ACBD6: variants seen among roughly 807,000 people sequenced by gnomAD.
ACBD6 encodes acyl-CoA binding domain containing 6, also known as acyl-CoA-binding domain-containing protein 6.
ACBD6 carries 28 observed loss-of-function variants against 37.2 expected under a neutral mutation model. That is an observed-to-expected ratio of 0.75 (90% CI 0.56 to 1.03). The LOEUF is 1.03. ACBD6 is among the 50% of genes least tolerant of loss of function. The probability of loss-of-function intolerance (pLI) is 0.00; values close to 1 mark genes in which losing one functional copy is unlikely to be tolerated. For missense variants in ACBD6, 340 were observed against 337.4 expected, an observed-to-expected ratio of 1.01 and a Z score of -0.06; for synonymous variants, 113 against 126.8, an observed-to-expected ratio of 0.89 and a Z score of 0.73.
chr1:180,301,140 A>G (rs1317067116), intron 7 of ACBD6, among the ~76,000 whole-genome samples: 2 of 152,216 alleles, frequency 1.3e-5, no homozygotes, highest in Non-Finnish European at 2.9e-5. Flanking sequence ...GATTTTACAC[A>G]GAAACAATAA....
At chr1:180,403,866 G>T (rs1647493021) in intron 5 of ACBD6, among the ~76,000 whole-genome samples, 1 of 152,172 alleles carries the variant, frequency 6.6e-6, no homozygotes, top group Non-Finnish European at 1.5e-5. Flanking sequence ...GAAGTACCTG[G>T]AGTAGTCAAA....
At chr1:180,461,856 G>A (rs149064082) in intron 3 of ACBD6, among the ~76,000 whole-genome samples, 233 of 152,220 alleles carry the variant, frequency 1.5e-3, no homozygotes, top group African/African-American at 5.4e-3. Context: ...ACACTACGAA[G>A]CAACCACATA....
intron 3 of ACBD6, among the ~76,000 whole-genome samples, chr1:180,481,778 T>C (rs1309936709): frequency 6.6e-6 from 1 of 152,214 alleles, no homozygotes; most frequent in Non-Finnish European, 1.5e-5. Flanking sequence ...ATTCATGTTA[T>C]TTACCCTGGA....
intron 7 of ACBD6, among the ~76,000 whole-genome samples, chr1:180,297,028 C>A (rs955627059): frequency 9.2e-5 from 14 of 152,038 alleles, no homozygotes; most frequent in Non-Finnish European, 1.5e-5. Flanking sequence ...GAATGAAGTT[C>A]TCTTGCAGTT....
At chr1:180,313,772 C>T (rs1650683828) in intron 7 of ACBD6, among the ~76,000 whole-genome samples, 1 of 152,124 alleles carries the variant, frequency 6.6e-6, no homozygotes, top group African/African-American at 2.4e-5. Context: ...TTTGAGTGAT[C>T]CTCCTGCCTC....
In ACBD6 at chr1:180,458,453, T is replaced by C. The variant is rs556828625; in HGVS notation, c.385-28191A>G. Among the ~76,000 whole-genome samples the C allele has an allele frequency of 3.7e-4, 57 of 152,328 alleles. 1 individual carries two copies. The highest frequency in any genetic ancestry group is 6.8e-3 in the Middle Eastern group (2 of 294). On this transcript the variant is annotated intron_variant, in intron 3 of 7. Transcript: ENST00000367595. ...AACCAGGAATTTAGGTATGTTGTCATATAATACAGATAAGAAACAATATAA... is the reference window on the plus strand; with the variant it reads ...AACCAGGAATTTAGGTATGTTGTCACATAATACAGATAAGAAACAATATAA...
intron 7 of ACBD6, among the ~76,000 whole-genome samples, chr1:180,312,033 G>A (rs1463538154): frequency 1.3e-5 from 2 of 152,078 alleles, no homozygotes; most frequent in African/African-American, 4.8e-5. Flanking sequence ...CTTCTTTCTT[G>A]TTTTTCTTCA....
chr1:180,318,169 C>CCA (rs1553291893), intron 6 of ACBD6, among the ~76,000 whole-genome samples: 2 of 103,866 alleles, frequency 1.9e-5, no homozygotes, highest in African/African-American at 3.6e-5. Flanking sequence ...CTCCGCCCCC[C>CCA]CCCCCCAAAA....
At chr1:180,402,777 A>G (rs1270121933) in intron 5 of ACBD6, among the ~76,000 whole-genome samples, 2 of 151,002 alleles carry the variant, frequency 1.3e-5, no homozygotes, top group Admixed American at 1.3e-4. Context: ...CAGCCTACGC[A>G]ACACAGTGAC....
chr1:180,307,853 G>C (rs1216701870), intron 7 of ACBD6, among the ~76,000 whole-genome samples: 1 of 152,176 alleles, frequency 6.6e-6, no homozygotes, highest in East Asian at 1.9e-4. Context: ...TATTCTGGAG[G>C]GTGAGGCAGG....
intron 5 of ACBD6, among the ~76,000 whole-genome samples, chr1:180,398,702 G>A (rs920205475): frequency 2.0e-5 from 3 of 152,120 alleles, no homozygotes; most frequent in African/African-American, 7.2e-5. Context: ...ATGAAAAAAA[G>A]CCTACTTGGT....
Position 180,435,240 on chromosome 1 carries a change from G to A in ACBD6, c.385-4978C>T. ...GGTGCTGGGTTACGAGGGCTGGCTG[G>A]CCGGCTACCAGATGCATTTTTTTTT... On this transcript the variant is annotated intron_variant, in intron 3 of 7. Coordinates refer to ENST00000367595, the MANE Select transcript of ACBD6 (RefSeq NM_032360.4). 3 of 660,042 alleles carry A rather than the reference G, an allele frequency of 4.5e-6. No homozygotes were observed. In the Admixed American group the frequency reaches 6.0e-5, roughly 13 times the overall value. The allele number at this position is 660,042 out of a possible 1,614,324, so 40.9% of individuals were successfully genotyped here. A position where few individuals can be genotyped will look rare whatever the true frequency, so the allele number is the denominator to read the frequency against.
intron 6 of ACBD6, among the ~76,000 whole-genome samples, chr1:180,326,993 G>A (rs1651279293): frequency 6.6e-6 from 1 of 152,126 alleles, no homozygotes; most frequent in Admixed American, 6.5e-5. Flanking sequence ...TCAGAGGGAT[G>A]GCACGAGCAC....
At chr1:180,435,122 A>G (rs1648971457) in intron 3 of ACBD6, 1 of 738,444 alleles carries the variant, frequency 1.4e-6, no homozygotes, top group Non-Finnish European at 2.5e-6. Flanking sequence ...GGGAAAAAAA[A>G]GCTAAAATCA....
At chr1:180,419,430 T>C (rs1648256395) in intron 4 of ACBD6, among the ~76,000 whole-genome samples, 1 of 152,192 alleles carries the variant, frequency 6.6e-6, no homozygotes, top group Non-Finnish European at 1.5e-5. Flanking sequence ...TAATGGTATT[T>C]AAATAATGGT....
At chr1:180,413,992 T>C (rs1295215265) in intron 4 of ACBD6, among the ~76,000 whole-genome samples, 2 of 152,220 alleles carry the variant, frequency 1.3e-5, no homozygotes, top group Non-Finnish European at 2.9e-5. Context: ...GAATAAGAGC[T>C]AGAACTCACT....
intron 6 of ACBD6, among the ~76,000 whole-genome samples, chr1:180,331,729 G>A (rs1651487896): frequency 6.6e-6 from 1 of 152,086 alleles, no homozygotes; most frequent in African/African-American, 2.4e-5. Flanking sequence ...AGGAAATAGG[G>A]GACTTTGCAA....
At chr1:180,341,818 G>C (rs1294779083) in intron 6 of ACBD6, among the ~76,000 whole-genome samples, 1 of 151,826 alleles carries the variant, frequency 6.6e-6, no homozygotes, top group Non-Finnish European at 1.5e-5. Flanking sequence ...TCATGGTATT[G>C]TTGGTACACT....
intron 3 of ACBD6, among the ~76,000 whole-genome samples, chr1:180,433,571 A>G (rs1453390452): frequency 1.1e-5 from 1 of 90,730 alleles, no homozygotes; most frequent in Non-Finnish European, 2.2e-5. Context: ...TTGTGGTGTT[A>G]TGCTGTGTGT....
Sources: allele counts gnomAD v4.1 joint callset (sites outside exome capture counted in the v4.1 genomes callset), GRCh38; gene constraint gnomAD v4.1.1; transcripts MANE v1.5; gene names NCBI Gene and HGNC (gene_info 2026-07-23, HGNC 2026-07-21).